Variants in KCNJ6 observed in about 807,000 individuals in gnomAD.
KCNJ6 encodes the protein potassium inwardly rectifying channel subfamily J member 6.
A neutral mutation model predicts 34.2 loss-of-function variants in KCNJ6; 9 were observed. The ratio of observed to expected loss-of-function variants is 0.26; its 90% CI spans 0.16 to 0.46. The LOEUF is 0.46. Ranked by LOEUF, KCNJ6 falls within the 20% of genes least tolerant of loss-of-function variation. The pLI is 1.00. For synonymous variants in KCNJ6, 196 were observed against 207.1 expected (o/e 0.95, Z 0.46); for missense variants, 236 against 531.3 (o/e 0.44, Z 5.46).
At chr21:37,697,878 T>C (rs550094247) in intron 3 of KCNJ6, among the ~76,000 whole-genome samples, 4 of 152,248 alleles carry the variant, frequency 2.6e-5, no homozygotes, top group African/African-American at 9.6e-5. Flanking sequence ...AGAGAGGAGT[T>C]TGCACAAAGA....
Position 37,643,064 on chromosome 21 carries a change from T to TG in KCNJ6, c.947-17581dup, listed in dbSNP as rs531760373. Among the ~76,000 whole-genome samples, 23 of 151,830 alleles carry TG rather than the reference T, an allele frequency of 1.5e-4. No homozygotes were observed. In the South Asian group the frequency reaches 1.7e-3, roughly 11 times the overall value. ...CTGAACAATATAGAGCTATGGGTGG[T>TG]GGGGGGGACAGCTTAACAAAAGACT... On this transcript the variant is annotated intron_variant, in intron 3 of 3. Coordinates refer to ENST00000609713, the MANE Select transcript of KCNJ6 (RefSeq NM_002240.5).
intron 1 of KCNJ6, among the ~76,000 whole-genome samples, chr21:37,843,974 G>A (rs1033553380): frequency 6.6e-6 from 1 of 152,044 alleles, no homozygotes; most frequent in Admixed American, 6.5e-5. Flanking sequence ...TGAATGGCTG[G>A]CAATGCCCAG....
chr21:37,676,159 C>T (rs2054563831), intron 3 of KCNJ6, among the ~76,000 whole-genome samples: 2 of 152,134 alleles, frequency 1.3e-5, no homozygotes, highest in African/African-American at 4.8e-5. Flanking sequence ...ACCTTTGGCA[C>T]AGGGCACGTC....
At chr21:37,667,907 G>T (rs1262883655) in intron 3 of KCNJ6, among the ~76,000 whole-genome samples, 2 of 39,384 alleles carry the variant, frequency 5.1e-5, no homozygotes, top group African/African-American at 1.2e-4. Context: ...AGAAGCAAGT[G>T]CCACTCCTGG....
At chr21:37,766,811 T>C (rs943043164) in intron 2 of KCNJ6, among the ~76,000 whole-genome samples, 2 of 152,202 alleles carry the variant, frequency 1.3e-5, no homozygotes, top group Non-Finnish European at 2.9e-5. Context: ...CATTACTCCC[T>C]GAGCTCCACC....
At chr21:37,757,915 G>A (rs2055039385) in intron 2 of KCNJ6, among the ~76,000 whole-genome samples, 1 of 152,214 alleles carries the variant, frequency 6.6e-6, no homozygotes, top group Non-Finnish European at 1.5e-5. Context: ...CAACAGAAAG[G>A]CCTCACAATG....
intron 2 of KCNJ6, among the ~76,000 whole-genome samples, chr21:37,818,453 C>T (rs189852879): frequency 1.3e-3 from 190 of 144,376 alleles, no homozygotes; most frequent in South Asian, 4.7e-3. Flanking sequence ...AATCAGCTAG[C>T]GGCACCCGAA....
chr21:37,780,047 G>C (rs1378168265), intron 2 of KCNJ6, among the ~76,000 whole-genome samples: 2 of 152,146 alleles, frequency 1.3e-5, no homozygotes, highest in Non-Finnish European at 2.9e-5. Flanking sequence ...CTGCCTATTT[G>C]AGGTTGGGAG....
chr21:37,804,072 A>G (rs942229495), intron 2 of KCNJ6, among the ~76,000 whole-genome samples: 5 of 152,228 alleles, frequency 3.3e-5, no homozygotes, highest in Admixed American at 6.5e-5. Flanking sequence ...TTCAAAGGAG[A>G]TATTAAAATC....
Position 37,617,006 on chromosome 21 carries a change from TTTTCTCTTTCTTTCTTTC to T in KCNJ6, c.*8135_*8152del, listed in dbSNP as rs1391403206. 2 of 76,996 alleles carry T rather than the reference TTTTCTCTTTCTTTCTTTC, an allele frequency of 2.6e-5. No homozygotes were observed. Among genetic ancestry groups the T allele is most frequent in the Admixed American group, 1.3e-4 (1 of 7,758 alleles). 4.8% of individuals were successfully genotyped at this position (76,996 alleles called of 1,614,324 possible). A position where few individuals can be genotyped will look rare whatever the true frequency, so the allele number is the denominator to read the frequency against. On this transcript the variant is annotated 3_prime_UTR_variant, in exon 4 of 4. Coordinates refer to ENST00000609713, the MANE Select transcript of KCNJ6 (RefSeq NM_002240.5). ...TTTTCTCTTTCTTTCTTTCTCTTTC[TTTTCTCTTTCTTTCTTTC>T]TTTCTTTCTTTCTTTCTTTCTTTCT...
intron 2 of KCNJ6, among the ~76,000 whole-genome samples, chr21:37,759,623 C>T (rs1359964851): frequency 1.3e-5 from 2 of 152,196 alleles, no homozygotes; most frequent in African/African-American, 4.8e-5. Context: ...CACAAGTCAT[C>T]CTGTCTAAGT....
chr21:37,663,457 A>G (rs75235873), intron 3 of KCNJ6, among the ~76,000 whole-genome samples: 1 of 101,314 alleles, frequency 9.9e-6, no homozygotes. Flanking sequence ...AGAGAGTTTC[A>G]TGAAACAAAA....
chr21:37,750,162 A>G (rs1313037440), intron 2 of KCNJ6, among the ~76,000 whole-genome samples: 1 of 152,248 alleles, frequency 6.6e-6, no homozygotes, highest in East Asian at 1.9e-4. Context: ...AGAAATGCAA[A>G]TCAAAACCAC....
intron 2 of KCNJ6, among the ~76,000 whole-genome samples, chr21:37,809,199 A>C (rs985061082): frequency 7.2e-5 from 11 of 152,338 alleles, no homozygotes; most frequent in Non-Finnish European, 1.3e-4. Flanking sequence ...GCAGCCATAA[A>C]AAATGATGAG....
At chr21:37,728,191 A>G (rs1458938274) in intron 2 of KCNJ6, among the ~76,000 whole-genome samples, 2 of 152,246 alleles carry the variant, frequency 1.3e-5, no homozygotes, top group Non-Finnish European at 2.9e-5. Context: ...GCTCAGTGAA[A>G]TAAGCCAGAC....
At chr21:37,631,166 T>C (rs527439359) in intron 3 of KCNJ6, among the ~76,000 whole-genome samples, 1 of 152,306 alleles carries the variant, frequency 6.6e-6, no homozygotes, top group Admixed American at 6.5e-5. Context: ...TGCTTCAACA[T>C]TGGAGGTTCC....
chr21:37,892,414 G>T (rs1164089415), intron 1 of KCNJ6, among the ~76,000 whole-genome samples: 1 of 152,192 alleles, frequency 6.6e-6, no homozygotes, highest in African/African-American at 2.4e-5. Flanking sequence ...GAATTTCTAT[G>T]CTCTGACCTC....
chr21:37,652,810 G>A (rs933133732), intron 3 of KCNJ6, among the ~76,000 whole-genome samples: 1 of 152,184 alleles, frequency 6.6e-6, no homozygotes, highest in Non-Finnish European at 1.5e-5. Context: ...TGCAATGGGA[G>A]GAAAGAAAAG....
chr21:37,827,071 C>T (rs1220435452), intron 2 of KCNJ6, among the ~76,000 whole-genome samples: 1 of 152,158 alleles, frequency 6.6e-6, no homozygotes, highest in Non-Finnish European at 1.5e-5. Flanking sequence ...TTGGACACTT[C>T]TGAGTATGAG....
Sources: gnomAD v4.1 joint callset for allele counts (sites outside exome capture counted in the v4.1 genomes callset) on GRCh38, gnomAD v4.1.1 for gene constraint, MANE v1.5 for transcripts, NCBI Gene and HGNC (gene_info 2026-07-23, HGNC 2026-07-21) for gene names.